Variants in C4BPA observed in about 807,000 individuals in gnomAD.
The protein encoded by C4BPA is complement component 4 binding protein alpha.
In C4BPA, 31 loss-of-function variants were observed where a neutral mutation model predicts 63.7. The ratio of observed to expected loss-of-function variants is 0.49; its 90% CI spans 0.37 to 0.66. C4BPA has a LOEUF of 0.66. Among genes scored for constraint, C4BPA ranks in the 30% least tolerant of loss-of-function variants. C4BPA has a pLI of 0.00. For missense variants in C4BPA, 572 were observed against 723.3 expected (o/e 0.79, Z 2.40); for synonymous variants, 259 against 254.7 (o/e 1.02, Z -0.16).
rs905722793 is a variant in C4BPA, at chr1:207,106,457, T to TTTTTTTTTTTTTTTG, written c.-26+2027_-26+2028insTTTTTTTTTTTTTTG. Among the ~76,000 whole-genome samples the TTTTTTTTTTTTTTTG allele has an allele frequency of 2.0e-3, 262 of 129,518 alleles. 6 individuals carry two copies. Among genetic ancestry groups the TTTTTTTTTTTTTTTG allele is most frequent in the African/African-American group, 8.1e-3 (243 of 30,052 alleles). The allele number at this position is 129,518 out of a possible 152,430, so 85.0% of individuals were successfully genotyped here. The stretch of plus-strand genomic sequence containing the variant: ...TCCGTGTAAGTTTTTTTTTTTTTTT[T>TTTTTTTTTTTTTTTG]GAAACGGAGTCTCGCTTTGTTGCCC... On this transcript the variant is annotated intron_variant, in intron 1 of 11. Coordinates refer to ENST00000367070, the MANE Select transcript of C4BPA (RefSeq NM_000715.4).
intron 9 of C4BPA, among the ~76,000 whole-genome samples, chr1:207,140,269 G>A (rs1441392916): frequency 2.0e-5 from 3 of 152,094 alleles, no homozygotes; most frequent in Middle Eastern, 6.3e-3. Context: ...TTCCCATGTG[G>A]CATAACTACC....
intron 9 of C4BPA, among the ~76,000 whole-genome samples, chr1:207,139,050 C>T (rs890680958): frequency 1.4e-4 from 21 of 152,124 alleles, no homozygotes; most frequent in African/African-American, 5.1e-4. Context: ...TATATTCAGA[C>T]TCTATTATGA....
chr1:207,110,621 C>G (rs1684649268), intron 1 of C4BPA, among the ~76,000 whole-genome samples: 1 of 152,024 alleles, frequency 6.6e-6, no homozygotes, highest in Non-Finnish European at 1.5e-5. Context: ...AAGATCACAT[C>G]TCTATTACAA....
At chr1:207,107,419 C>T (rs12063500) in intron 1 of C4BPA, among the ~76,000 whole-genome samples, 16,552 of 152,090 alleles carry the variant, frequency 0.11, 1,115 homozygotes, top group East Asian at 0.2. Context: ...TGTGATGGCA[C>T]GCTCCTGTGG....
At chr1:207,108,274 G>A (rs1367881826) in intron 1 of C4BPA, among the ~76,000 whole-genome samples, 1 of 152,010 alleles carries the variant, frequency 6.6e-6, no homozygotes, top group Non-Finnish European at 1.5e-5. Context: ...ATAACTTTCA[G>A]TAAACAGAAA....
At chr1:207,135,505 T>C (rs538335789) in intron 9 of C4BPA, among the ~76,000 whole-genome samples, 1 of 152,270 alleles carries the variant, frequency 6.6e-6, no homozygotes, top group African/African-American at 2.4e-5. Flanking sequence ...CTCCCACTTG[T>C]AGAAATGTTC....
At chr1:207,144,470 C>A in intron 11 of C4BPA, 74 bp from the exon 12 acceptor site, 1 of 1,354,308 alleles carries the variant, frequency 7.4e-7, no homozygotes, top group Non-Finnish European at 1.0e-6. Flanking sequence ...GTAGTCCTTC[C>A]ACTGTCAGGA....
intron 4 of C4BPA, among the ~76,000 whole-genome samples, chr1:207,118,225 A>ATCTATCTATCTC: frequency 6.9e-6 from 1 of 145,500 alleles, no homozygotes; most frequent in South Asian, 2.1e-4. Context: ...CTATCTATCT[A>ATCTATCTATCTC]TCTATCTATC....
intron 9 of C4BPA, among the ~76,000 whole-genome samples, chr1:207,134,878 C>T (rs904272879): frequency 2.6e-5 from 4 of 152,186 alleles, no homozygotes; most frequent in African/African-American, 4.8e-5. Flanking sequence ...TCCCTTATTT[C>T]TGGTCCATAT....
Position 207,130,504 on chromosome 1 carries a change from A to T in C4BPA, c.890-1042A>T, listed in dbSNP as rs1251180927. Among the ~76,000 whole-genome samples, 5 of 152,178 alleles carry T rather than the reference A, an allele frequency of 3.3e-5. No homozygotes were observed. The East Asian group carries it at 9.6e-4, about 29-fold the overall frequency. On this transcript the variant is annotated intron_variant, in intron 7 of 11. Transcript: ENST00000367070. ...CCACACACAAAAATTTTACATGAAG[A>T]TTCATAGCAGCATTATTCATAATAG...
At position 207,134,559 on chromosome 1, in the gene C4BPA, A is replaced by T. The variant is rs750881253; in HGVS notation, c.1240A>T (p.Thr414Ser). Reference protein sequence around the residue: ...RFSAICQGDGTWSPRTPSCGD... With the variant: ...RFSAICQGDGSWSPRTPSCGD... The stretch of plus-strand genomic sequence containing the variant: ...TTCAGCTATATGCCAAGGAGATGGC[A>T]CGTGGAGTCCCCGAACACCATCATG... The change falls in exon 9 of 12, where the codon ACG becomes TCG. Residue 414 changes from threonine to serine, a missense_variant. Transcript: ENST00000367070. 6 of 1,613,726 alleles carry T rather than the reference A, an allele frequency of 3.7e-6. No homozygotes were observed. In the South Asian group the frequency reaches 6.6e-5, roughly 18 times the overall value.
At chr1:207,126,444 T>C (rs963284522) in intron 6 of C4BPA, among the ~76,000 whole-genome samples, 40 of 149,192 alleles carry the variant, frequency 2.7e-4, no homozygotes, top group Admixed American at 1.0e-3. Flanking sequence ...TTGGTCTTTC[T>C]ATGAGGTAAT....
chr1:207,113,061 T>C lies in C4BPA; in HGVS notation c.36T>C (p.His12=), dbSNP rs151223096. ...HPPKTPSGAL[H]RKRKMAAWPF... is the part of the protein sequence containing the mutation. ...CAAAAACTCCATCTGGGGCTCTTCATAGAAAAAGGAAAATGGCAGCCTGGC... is the reference window on the plus strand; with the variant it reads ...CAAAAACTCCATCTGGGGCTCTTCACAGAAAAAGGAAAATGGCAGCCTGGC... Residue 12 remains histidine, a synonymous_variant, in exon 2 of 12, where the codon CAT becomes CAC. Transcript: ENST00000367070. 6.7e-5 allele frequency: 108 copies of C among 1,609,186 alleles called. No homozygotes were observed. The highest frequency in any genetic ancestry group is 2.2e-5 in the East Asian group (1 of 44,602).
At position 207,108,160 on chromosome 1, in the gene C4BPA, A is replaced by T. The variant is rs116143942; in HGVS notation, c.-26+3730A>T. On this transcript the variant is annotated intron_variant, in intron 1 of 11. Transcript: ENST00000367070. Reference sequence around the variant, plus strand: ...ATTATTATTATTTGCTTAAATGAGAAATCTAACAGAGTCAAAAAGTTTTAG... The same window carrying T: ...ATTATTATTATTTGCTTAAATGAGATATCTAACAGAGTCAAAAAGTTTTAG... Among the ~76,000 whole-genome samples, 1,171 of 152,348 alleles carry T rather than the reference A, an allele frequency of 7.7e-3. 9 individuals carry two copies. The highest frequency in any genetic ancestry group is 0.011 in the Non-Finnish European group (752 of 68,030).
chr1:207,122,307 T>C (rs1684936408), intron 4 of C4BPA, among the ~76,000 whole-genome samples: 1 of 152,200 alleles, frequency 6.6e-6, no homozygotes, highest in Non-Finnish European at 1.5e-5. Context: ...CTTGATATAG[T>C]CCTTGGCTCA....
At chr1:207,132,124 G>T (rs1214289798) in intron 8 of C4BPA, among the ~76,000 whole-genome samples, 1 of 152,166 alleles carries the variant, frequency 6.6e-6, no homozygotes, top group Admixed American at 6.5e-5. Context: ...AGACAAGTTT[G>T]TGAAACAGTC....
At chr1:207,122,257 A>G (rs534249720) in intron 4 of C4BPA, among the ~76,000 whole-genome samples, 3 of 152,312 alleles carry the variant, frequency 2.0e-5, no homozygotes, top group African/African-American at 4.8e-5. Flanking sequence ...GCAGGTTCAG[A>G]TAATATATCT....
At chr1:207,108,702 G>A (rs193045492) in intron 1 of C4BPA, among the ~76,000 whole-genome samples, 29 of 152,262 alleles carry the variant, frequency 1.9e-4, no homozygotes, top group African/African-American at 7.0e-4. Context: ...ATTAGGCCCA[G>A]AGGTCTGTGG....
intron 7 of C4BPA, among the ~76,000 whole-genome samples, chr1:207,130,176 G>A (rs1029479640): frequency 6.6e-6 from 1 of 152,050 alleles, no homozygotes; most frequent in Non-Finnish European, 1.5e-5. Flanking sequence ...ATTACCGTCT[G>A]GTGTCAATTG....
Sources: gnomAD v4.1 joint callset for allele counts (sites outside exome capture counted in the v4.1 genomes callset) on GRCh38, gnomAD v4.1.1 for gene constraint, MANE v1.5 for transcripts, NCBI Gene and HGNC (gene_info 2026-07-23, HGNC 2026-07-21) for gene names.